The following IPCEF1 variants were observed in gnomAD, a reference collection of about 807,000 sequenced individuals.
IPCEF1 encodes interaction protein for cytohesin exchange factors 1.
Under a neutral mutation model 50.9 loss-of-function variants are expected in IPCEF1, and 31 were observed. The ratio of observed to expected loss-of-function variants is 0.61; its 90% CI spans 0.46 to 0.82. IPCEF1 has a LOEUF of 0.82. Among genes scored for constraint, IPCEF1 ranks in the 40% least tolerant of loss-of-function variants. IPCEF1 has a pLI of 0.00. For missense variants in IPCEF1, 458 were observed against 514.0 expected, an observed-to-expected ratio of 0.89 and a Z score of 1.05; for synonymous variants, 181 against 192.0, an observed-to-expected ratio of 0.94 and a Z score of 0.47.
chr6:154,195,572 C>T (rs9478522), intron 10 of IPCEF1, among the ~76,000 whole-genome samples: 10,019 of 152,130 alleles, frequency 0.066, 424 homozygotes, highest in African/African-American at 0.099. Context: ...CCTTTCCATC[C>T]CCTTTACCCA....
intron 10 of IPCEF1, 134 bp downstream of exon 10, chr6:154,199,534 G>T: frequency 2.8e-6 from 3 of 1,052,824 alleles, no homozygotes; most frequent in South Asian, 1.7e-5. Context: ...GCAACCTCTG[G>T]GCATAGCCCC....
intron 1 of IPCEF1, among the ~76,000 whole-genome samples, chr6:154,295,839 T>C (rs1420424441): frequency 6.6e-6 from 1 of 151,174 alleles, no homozygotes; most frequent in Non-Finnish European, 1.5e-5. Flanking sequence ...AGCCAGGAGG[T>C]GACTGCCTGT....
intron 10 of IPCEF1, among the ~76,000 whole-genome samples, chr6:154,199,143 A>G (rs1282833874): frequency 6.6e-6 from 1 of 152,212 alleles, no homozygotes; most frequent in East Asian, 1.9e-4. Context: ...CTTTATATGT[A>G]AAGGTTCTAA....
At chr6:154,347,422 A>G (rs949992095) in intron 1 of IPCEF1, among the ~76,000 whole-genome samples, 6 of 152,190 alleles carry the variant, frequency 3.9e-5, no homozygotes, top group Non-Finnish European at 7.3e-5. Context: ...ACTAGTTAAT[A>G]ATAACAGCAC....
chr6:154,322,185 G>A (rs1783399900), intron 1 of IPCEF1, among the ~76,000 whole-genome samples: 5 of 152,112 alleles, frequency 3.3e-5, no homozygotes, highest in Admixed American at 2.6e-4. Context: ...AAAACCTTCA[G>A]GCATGCAAGA....
intron 10 of IPCEF1, among the ~76,000 whole-genome samples, chr6:154,177,473 G>T (rs1402503932): frequency 6.6e-6 from 1 of 152,126 alleles, no homozygotes; most frequent in Non-Finnish European, 1.5e-5. Flanking sequence ...CAGAAAGTGG[G>T]CAAAGGACAT....
intron 3 of IPCEF1, among the ~76,000 whole-genome samples, chr6:154,248,413 T>C (rs1781235907): frequency 6.6e-6 from 1 of 152,112 alleles, no homozygotes; most frequent in Non-Finnish European, 1.5e-5. Context: ...GCTGAACTGA[T>C]TTAAATTTGA....
intron 5 of IPCEF1, among the ~76,000 whole-genome samples, chr6:154,236,201 T>C (rs1562558742): frequency 6.6e-6 from 1 of 152,184 alleles, no homozygotes; most frequent in Non-Finnish European, 1.5e-5. Flanking sequence ...ATCAAGGGGA[T>C]AAGATTCAGC....
intron 2 of IPCEF1, among the ~76,000 whole-genome samples, chr6:154,284,051 C>A (rs902585560): frequency 6.6e-6 from 1 of 152,126 alleles, no homozygotes; most frequent in African/African-American, 2.4e-5. Flanking sequence ...TGAAACTGTG[C>A]AAGTATAGTT....
At chr6:154,263,464 C>T (rs1364102945) in intron 3 of IPCEF1, among the ~76,000 whole-genome samples, 6 of 124,644 alleles carry the variant, frequency 4.8e-5, no homozygotes, top group Non-Finnish European at 1.0e-4. Flanking sequence ...AGCATGCTGC[C>T]TTCAAGCATC....
chr6:154,317,346 G>A (rs1472392414), intron 1 of IPCEF1, among the ~76,000 whole-genome samples: 2 of 151,650 alleles, frequency 1.3e-5, no homozygotes, highest in East Asian at 1.9e-4. Context: ...TCAGGAGTTC[G>A]AGACCAGCCT....
At chr6:154,261,191 C>G (rs530518700) in intron 3 of IPCEF1, among the ~76,000 whole-genome samples, 1 of 152,104 alleles carries the variant, frequency 6.6e-6, no homozygotes, top group African/African-American at 2.4e-5. Context: ...TGAACCAATA[C>G]GCCTGGCTAT....
At chr6:154,305,165 G>GGTGCCTCCT (rs1562587064) in intron 1 of IPCEF1, among the ~76,000 whole-genome samples, 1 of 83,784 alleles carries the variant, frequency 1.2e-5, no homozygotes, top group African/African-American at 1.5e-4. Flanking sequence ...TGAGAAGACT[G>GGTGCCTCCT]TGCCTCCTTG....
intron 7 of IPCEF1, 50 bp from the exon 8 acceptor site, chr6:154,214,326 C>G: frequency 8.3e-7 from 1 of 1,199,454 alleles, no homozygotes; most frequent in East Asian, 2.3e-5. Context: ...TAGCCCCCCA[C>G]CCATTCACCT....
At chr6:154,274,346 C>T (rs1055174983) in intron 2 of IPCEF1, among the ~76,000 whole-genome samples, 1 of 152,152 alleles carries the variant, frequency 6.6e-6, no homozygotes, top group Non-Finnish European at 1.5e-5. Flanking sequence ...GACTGGCAGG[C>T]CTCTTCCCTG....
intron 1 of IPCEF1, among the ~76,000 whole-genome samples, chr6:154,305,454 C>T (rs1435102884): frequency 6.6e-6 from 1 of 152,216 alleles, no homozygotes; most frequent in Admixed American, 6.5e-5. Context: ...GTCTATCCTA[C>T]ATACACAAGC....
intron 1 of IPCEF1, among the ~76,000 whole-genome samples, chr6:154,330,483 T>G (rs944490006): frequency 6.6e-6 from 1 of 151,742 alleles, no homozygotes; most frequent in African/African-American, 2.4e-5. Context: ...AACACAGACA[T>G]CCAGCTAATT....
At chr6:154,297,030 C>T (rs1277415469) in intron 1 of IPCEF1, among the ~76,000 whole-genome samples, 1 of 151,780 alleles carries the variant, frequency 6.6e-6, no homozygotes, top group Non-Finnish European at 1.5e-5. Flanking sequence ...CATTACATTT[C>T]TTTTTTTCTT....
At chr6:154,353,293 C>A (rs1385284133) in intron 1 of IPCEF1, among the ~76,000 whole-genome samples, 1 of 127,860 alleles carries the variant, frequency 7.8e-6, no homozygotes, top group Non-Finnish European at 1.6e-5. Context: ...TTTCCTTTTC[C>A]TTTTTTTTTT....
Sources: allele counts gnomAD v4.1 joint callset (sites outside exome capture counted in the v4.1 genomes callset), GRCh38; gene constraint gnomAD v4.1.1; transcripts MANE v1.5; gene names NCBI Gene and HGNC (gene_info 2026-07-23, HGNC 2026-07-21).